Variants in UGT8 observed in about 807,000 individuals in gnomAD.
The protein encoded by UGT8 is 2-hydroxyacylsphingosine 1-beta-galactosyltransferase.
In UGT8, 12 loss-of-function variants were observed where a neutral mutation model predicts 40.5. The ratio of observed to expected loss-of-function variants is 0.30; its 90% confidence interval spans 0.19 to 0.48. The LOEUF (loss-of-function observed/expected upper bound fraction) is 0.48. Ranked by LOEUF, UGT8 falls within the 20% of genes least tolerant of loss-of-function variation. UGT8 has a pLI of 0.99. For missense variants in UGT8, 513 were observed against 648.7 expected, an observed-to-expected ratio of 0.79 and a Z score of 2.27; for synonymous variants, 224 against 240.4, an observed-to-expected ratio of 0.93 and a Z score of 0.63.
At chr4:114,619,714 G>C (rs1246890603) in intron 1 of UGT8, among the ~76,000 whole-genome samples, 1 of 151,770 alleles carries the variant, frequency 6.6e-6, no homozygotes, top group Non-Finnish European at 1.5e-5. Context: ...CCAATCCCCA[G>C]TTGTTGAGAA....
chr4:114,668,153 G>T lies in UGT8; in HGVS notation c.1111G>T (p.Gly371Cys). Residue 371 changes from glycine (G) to cysteine (C), a missense_variant, in exon 5 of 6, where the codon GGT (glycine) becomes TGT (cysteine). Gly to Cys is a radical substitution (Grantham distance 159). Around this residue, in one of 3 missense-constraint regions of UGT8, gnomAD observed 335 missense variants for 444.8 expected, o/e 0.75. Coordinates refer to ENST00000310836, the MANE Select transcript of UGT8 (RefSeq NM_001128174.3). ...CAGTATTTTTGAAACTATATATCAT[G>T]GTGTGCCTGTAGTGGGAATTCCACT... Reference protein sequence around the residue: ...LNSIFETIYHGVPVVGIPLFG... With the variant: ...LNSIFETIYHCVPVVGIPLFG... The T allele has an allele frequency of 6.2e-7, 1 of 1,613,804 alleles. No individual in the cohort carries two copies.
chr4:114,603,911 TCA>T (rs1424126440), intron 1 of UGT8, among the ~76,000 whole-genome samples: 1 of 152,198 alleles, frequency 6.6e-6, no homozygotes, highest in Non-Finnish European at 1.5e-5. Flanking sequence ...CTCTCAGAAT[TCA>T]CAGAGAGTGA....
chr4:114,624,807 G>A (rs531485227), intron 2 of UGT8, among the ~76,000 whole-genome samples: 11 of 152,166 alleles, frequency 7.2e-5, no homozygotes, highest in African/African-American at 2.4e-4. Context: ...ATATAACATG[G>A]AAACAGAAAT....
rs756838004 is a variant in UGT8, at chr4:114,676,316, T to C, written c.*28T>C. ...CAACAGCCCAGGTGATAGAAATAAA[T>C]TGGTTCACTCATTGAATTTTTATTG... On this transcript the variant is annotated 3_prime_UTR_variant, in exon 6 of 6. Coordinates refer to ENST00000310836, the MANE Select transcript of UGT8 (RefSeq NM_001128174.3). 9 of 1,525,898 alleles carry C rather than the reference T, an allele frequency of 5.9e-6. No individual in the cohort carries two copies. The allele number at this position is 1,525,898 out of a possible 1,614,324, so 94.5% of individuals were successfully genotyped here.
chr4:114,619,364 GTGAA>G (rs1215888178), intron 1 of UGT8: 1 of 151,958 alleles, frequency 6.6e-6, no homozygotes, highest in African/African-American at 2.4e-5. Flanking sequence ...TATTGTTATT[GTGAA>G]TGAAGTATTT....
At chr4:114,629,079 CT>C (rs1474803800) in intron 2 of UGT8, among the ~76,000 whole-genome samples, 1 of 151,934 alleles carries the variant, frequency 6.6e-6, no homozygotes, top group Non-Finnish European at 1.5e-5. Context: ...GACCAGGGTC[CT>C]TGGGGGTAAA....
In UGT8 at chr4:114,623,445, A is replaced by C; in HGVS notation, c.565A>C (p.Asn189His). Residue 189 changes from asparagine to histidine, a missense_variant, in exon 2 of 6, where the codon AAC becomes CAC. Asn to His is a moderately conservative substitution (Grantham distance 68, BLOSUM62 1). This residue lies in a region of UGT8 where 335 missense variants were observed against 444.8 expected (regional missense o/e 0.75). Coordinates refer to ENST00000310836, the MANE Select transcript of UGT8 (RefSeq NM_001128174.3). The part of the protein sequence containing the change: ...EFNSLLTDRM[N>H]LLQRMKNTGV... The stretch of plus-strand genomic sequence containing the variant: ...TAACTCACTCCTCACAGACCGCATG[A>C]ACTTGCTGCAAAGGATGAAAAATAC... 6.2e-7 allele frequency: 1 copy of C among 1,614,214 alleles called. No homozygotes were observed. Among genetic ancestry groups the C allele is most frequent in the Non-Finnish European group, 8.5e-7 (1 of 1,180,030 alleles).
At chr4:114,659,746 A>G (rs112170407) in intron 2 of UGT8, among the ~76,000 whole-genome samples, 3 of 152,228 alleles carry the variant, frequency 2.0e-5, no homozygotes, top group African/African-American at 7.2e-5. Context: ...ATGGCCATTG[A>G]TGAGTTACCA....
chr4:114,633,251 A>G lies in UGT8; in HGVS notation c.822+9549A>G, dbSNP rs1038819759. On this transcript the variant is annotated intron_variant, in intron 2 of 5. Coordinates refer to ENST00000310836, the MANE Select transcript of UGT8 (RefSeq NM_001128174.3). ...TTTTGTTTGTGTTGCTTCTAGTCTA[A>G]TAGGGGAAATAATAAAGATGTAAAC... Among the ~76,000 whole-genome samples the G allele has an allele frequency of 1.2e-4, 19 of 152,354 alleles. No homozygotes were observed. In the East Asian group the frequency reaches 3.5e-3, roughly 28 times the overall value.
At chr4:114,627,119 TGA>T (rs1732275674) in intron 2 of UGT8, among the ~76,000 whole-genome samples, 1 of 152,222 alleles carries the variant, frequency 6.6e-6, no homozygotes, top group Admixed American at 6.5e-5. Context: ...GGAAGAATTC[TGA>T]GTTGGATCAC....
chr4:114,657,983 TG>T (rs1360664452), intron 2 of UGT8, among the ~76,000 whole-genome samples: 2 of 152,178 alleles, frequency 1.3e-5, no homozygotes, highest in Non-Finnish European at 2.9e-5. Context: ...AAACAATGAT[TG>T]GTGCATTTTT....
chr4:114,625,246 C>G (rs1042757647), intron 2 of UGT8, among the ~76,000 whole-genome samples: 5 of 152,092 alleles, frequency 3.3e-5, no homozygotes, highest in Non-Finnish European at 5.9e-5. Flanking sequence ...GACGCGGTGT[C>G]CCATGCCTGT....
At position 114,661,284 on chromosome 4, in the gene UGT8, T is replaced by C. The variant is rs374410535; in HGVS notation, c.823-2711T>C. On this transcript the variant is annotated intron_variant, in intron 2 of 5. Coordinates refer to ENST00000310836, the MANE Select transcript of UGT8 (RefSeq NM_001128174.3). The stretch of plus-strand genomic sequence containing the variant: ...TCTGGAGTTAGGATTTGTGTGTGTG[T>C]GCGTGTGTGTGTGTTGAACACATTT... 5.9e-5 allele frequency among the ~76,000 whole-genome samples: 9 copies of C among 152,270 alleles called. No homozygotes were observed. In the East Asian group the frequency reaches 9.6e-4, roughly 16 times the overall value.
At chr4:114,663,632 CAT>C (rs1293417013) in intron 2 of UGT8, 4 of 959,310 alleles carry the variant, frequency 4.2e-6, no homozygotes, top group Non-Finnish European at 1.2e-6. Context: ...ATTGATTTTT[CAT>C]ATGTTTAATC....
At chr4:114,654,131 C>T (rs1352638327) in intron 2 of UGT8, among the ~76,000 whole-genome samples, 2 of 151,958 alleles carry the variant, frequency 1.3e-5, no homozygotes, top group Non-Finnish European at 2.9e-5. Flanking sequence ...TAATGAAGAC[C>T]ATAGGTTAAT....
chr4:114,663,691 A>G (rs1273359482), intron 2 of UGT8: 2 of 985,014 alleles, frequency 2.0e-6, no homozygotes, highest in Non-Finnish European at 1.2e-6. Flanking sequence ...CTGAACATGC[A>G]TCAGTTGTCA....
chr4:114,668,206 C>T lies in UGT8; in HGVS notation c.1164C>T (p.Thr388=). ...TTGGAGACCATTATGATACTATGAC[C>T]AGAGTACAGGCAAAAGGCATGGGGA... ...PLFGDHYDTM[T]RVQAKGMGIL... The change falls in exon 5 of 6, where the codon ACC becomes ACT. Residue 388 remains threonine, a synonymous_variant. Transcript: ENST00000310836. 6.2e-7 allele frequency: 1 copy of T among 1,613,778 alleles called. No individual in the cohort carries two copies. Among genetic ancestry groups the T allele is most frequent in the Non-Finnish European group, 8.5e-7 (1 of 1,179,834 alleles).
chr4:114,623,832 G>A (rs1254585496), intron 2 of UGT8, 130 bp downstream of exon 2: 1 of 1,284,836 alleles, frequency 7.8e-7, no homozygotes, highest in African/African-American at 1.5e-5. Context: ...TTAGGACATG[G>A]GGCCTCCAAA....
At chr4:114,615,407 A>G (rs1486863922) in intron 1 of UGT8, among the ~76,000 whole-genome samples, 2 of 152,174 alleles carry the variant, frequency 1.3e-5, no homozygotes, top group Non-Finnish European at 2.9e-5. Context: ...CGTGTGCCCA[A>G]GACTTTCCTA....
Sources: gnomAD v4.1 joint callset for allele counts (sites outside exome capture counted in the v4.1 genomes callset) on GRCh38, gnomAD v4.1.1 for gene constraint, gnomAD v4.1.1 regional missense constraint, MANE v1.5 for transcripts, NCBI Gene and HGNC (gene_info 2026-07-23, HGNC 2026-07-21) for gene names.